The following PAK1 variants were observed in gnomAD, a reference collection of about 807,000 sequenced individuals.
The protein encoded by PAK1 is p21 (RAC1) activated kinase 1.
In PAK1, 29 loss-of-function variants were observed where a neutral mutation model predicts 67.4. That is an observed-to-expected ratio of 0.43 (90% CI 0.32 to 0.59). The LOEUF is 0.59. Among genes scored for constraint, PAK1 ranks in the 20% least tolerant of loss-of-function variants. The pLI is 0.07. For synonymous variants in PAK1, 223 were observed against 237.4 expected (o/e 0.94, Z 0.56); for missense variants, 337 against 670.7 (o/e 0.50, Z 5.50).
the PAK1 span, among the ~76,000 whole-genome samples, chr11:77,526,926 A>T: frequency 6.6e-6 from 1 of 152,058 alleles, no homozygotes; most frequent in African/African-American, 2.4e-5. Flanking sequence ...AAAAAAAAAA[A>T]AAAGGGCTGG....
At chr11:77,418,152 A>G (rs1284339451) in intron 1 of PAK1, among the ~76,000 whole-genome samples, 1 of 152,244 alleles carries the variant, frequency 6.6e-6, no homozygotes, top group Non-Finnish European at 1.5e-5. Flanking sequence ...GACATACAAG[A>G]TAAAGTTCAT....
intron 4 of PAK1, among the ~76,000 whole-genome samples, chr11:77,378,780 GT>G (rs1332139175): frequency 6.6e-6 from 1 of 152,044 alleles, no homozygotes; most frequent in Admixed American, 6.6e-5. Context: ...TAGAGACAGG[GT>G]TTTGCCACGT....
the PAK1 span, among the ~76,000 whole-genome samples, chr11:77,523,461 CT>C: frequency 1.3e-5 from 2 of 151,148 alleles, no homozygotes; most frequent in Non-Finnish European, 2.9e-5. Flanking sequence ...ACTCTGTTGC[CT>C]AGGCTGGAGT....
intron 9 of PAK1, among the ~76,000 whole-genome samples, chr11:77,348,642 C>T (rs1944783716): frequency 6.6e-6 from 1 of 152,178 alleles, no homozygotes; most frequent in South Asian, 2.1e-4. Context: ...TTTTTCCTTT[C>T]TCCTTGAATA....
chr11:77,361,252 T>C (rs1478848909), intron 5 of PAK1, among the ~76,000 whole-genome samples: 2 of 152,290 alleles, frequency 1.3e-5, no homozygotes, highest in Admixed American at 6.5e-5. Flanking sequence ...TAAAATGTCA[T>C]ATAACAGTGA....
chr11:77,491,560 G>A, the PAK1 span, among the ~76,000 whole-genome samples: 1 of 152,000 alleles, frequency 6.6e-6, no homozygotes, highest in Non-Finnish European at 1.5e-5. Context: ...AAAATAAAGT[G>A]TAGAGTTTTT....
intron 7 of PAK1, among the ~76,000 whole-genome samples, chr11:77,354,217 T>C (rs1274939447): frequency 6.6e-6 from 1 of 152,084 alleles, no homozygotes; most frequent in African/African-American, 2.4e-5. Context: ...ATTTTAGAGA[T>C]GGAGAAATTG....
intron 5 of PAK1, among the ~76,000 whole-genome samples, chr11:77,362,184 T>C (rs982608002): frequency 6.6e-6 from 1 of 152,182 alleles, no homozygotes; most frequent in African/African-American, 2.4e-5. Flanking sequence ...AATTTGGGCA[T>C]TTGCTTAAAG....
chr11:77,326,433 C>T (rs1939887772), intron 14 of PAK1, among the ~76,000 whole-genome samples: 1 of 152,150 alleles, frequency 6.6e-6, no homozygotes, highest in Non-Finnish European at 1.5e-5. Flanking sequence ...GTGGCTGATG[C>T]CATGCCTGTA....
Position 77,427,801 on chromosome 11 carries a change from G to C in PAK1, c.-21-35260C>G, listed in dbSNP as rs148588079. Among the ~76,000 whole-genome samples the C allele has an allele frequency of 3.3e-5, 5 of 152,368 alleles. 1 individual carries two copies. The East Asian group carries it at 9.6e-4, about 29-fold the overall frequency. On this transcript the variant is annotated intron_variant, in intron 1 of 14. Coordinates refer to ENST00000356341, the MANE Select transcript of PAK1 (RefSeq NM_002576.5). ...ACTGTTTATGACTATAGAGGTCAGA[G>C]AGGTTTCACCAGGTAATTCCTTCCT...
intron 4 of PAK1, 39 bp downstream of exon 4, chr11:77,379,202 C>T: frequency 1.3e-6 from 2 of 1,526,390 alleles, no homozygotes; most frequent in Non-Finnish European, 1.8e-6. Flanking sequence ...AGATTAAAAC[C>T]ATCTCTTGCT....
chr11:77,328,803 T>TA (rs1362675668), intron 14 of PAK1, among the ~76,000 whole-genome samples: 1 of 151,562 alleles, frequency 6.6e-6, no homozygotes, highest in Admixed American at 6.6e-5. Context: ...CTGAAGGAAA[T>TA]AGAGACACAA....
At position 77,358,944 on chromosome 11, in the gene PAK1, GCATCAT is replaced by G. The variant is rs149665907; in HGVS notation, c.545_550del (p.Asp182_Asp183del). 6.2e-7 allele frequency: 1 copy of G among 1,612,956 alleles called. No homozygotes were observed. Among genetic ancestry groups the G allele is most frequent in the Admixed American group, 1.7e-5 (1 of 59,976 alleles). ...TGGAGCAATCACTGGTGGTGGGGTA[GCATCAT>G]CATCATCATCATCCTCATCTTCTGA... On this transcript the variant is annotated inframe_deletion, in exon 6 of 15. Coordinates refer to ENST00000356341, the MANE Select transcript of PAK1 (RefSeq NM_002576.5).
Position 77,322,708 on chromosome 11 carries a change from G to A in PAK1, c.*566C>T. The A allele has an allele frequency of 3.8e-6, 1 of 263,968 alleles. No homozygotes were observed. The highest frequency in any genetic ancestry group is 7.4e-6 in the Non-Finnish European group (1 of 135,806). 16.4% of individuals were successfully genotyped at this position (263,968 alleles called of 1,614,324 possible). ...TAGAAGCACACACAAAGAAAAATGT[G>A]GTTGTTCTCCCATGTCAGGATCAGC... On this transcript the variant is annotated 3_prime_UTR_variant, in exon 15 of 15. Coordinates refer to ENST00000356341, the MANE Select transcript of PAK1 (RefSeq NM_002576.5).
At chr11:77,436,567 G>T (rs934617117) in intron 1 of PAK1, among the ~76,000 whole-genome samples, 1 of 152,292 alleles carries the variant, frequency 6.6e-6, no homozygotes, top group Admixed American at 6.5e-5. Flanking sequence ...CACTGTGCTG[G>T]AATACTGTGA....
At chr11:77,350,902 T>C (rs984483079) in intron 8 of PAK1, among the ~76,000 whole-genome samples, 6 of 152,082 alleles carry the variant, frequency 3.9e-5, no homozygotes, top group South Asian at 4.1e-4. Context: ...CCTATCCCCA[T>C]CCCTTCCTGA....
intron 1 of PAK1, among the ~76,000 whole-genome samples, chr11:77,470,755 G>C (rs1957813409): frequency 6.6e-6 from 1 of 152,194 alleles, no homozygotes; most frequent in Non-Finnish European, 1.5e-5. Context: ...CAAAAGTTAA[G>C]AGTGCTTATT....
chr11:77,425,184 T>A (rs1037047552), intron 1 of PAK1, among the ~76,000 whole-genome samples: 3 of 152,098 alleles, frequency 2.0e-5, no homozygotes, highest in African/African-American at 7.2e-5. Context: ...GTCCACTGTG[T>A]CATCAAAGTA....
intron 1 of PAK1, among the ~76,000 whole-genome samples, chr11:77,418,536 A>T (rs941652360): frequency 6.6e-6 from 1 of 152,218 alleles, no homozygotes; most frequent in Non-Finnish European, 1.5e-5. Flanking sequence ...CACCATTTTC[A>T]TAAGAATAGC....
Sources: allele counts gnomAD v4.1 joint callset (sites outside exome capture counted in the v4.1 genomes callset), GRCh38; gene constraint gnomAD v4.1.1; transcripts MANE v1.5; gene names NCBI Gene and HGNC (gene_info 2026-07-23, HGNC 2026-07-21).